Variants in CDK5RAP2 observed in about 807,000 individuals in gnomAD.
CDK5RAP2 encodes CDK5 regulatory subunit-associated protein 2.
A neutral mutation model predicts 232.9 loss-of-function variants in CDK5RAP2; 147 were observed. The observed-to-expected ratio is 0.63, with a 90% CI of 0.55 to 0.72. CDK5RAP2 has a LOEUF of 0.72. Ranked by LOEUF, CDK5RAP2 falls within the 30% of genes least tolerant of loss-of-function variation. The pLI is 0.00. For missense variants in CDK5RAP2, 2,195 were observed against 2,231.5 expected (o/e 0.98, Z 0.33); for synonymous variants, 833 against 833.7 (o/e 1.00, Z 0.01).
intron 18 of CDK5RAP2, among the ~76,000 whole-genome samples, chr9:120,464,991 T>C (rs934855585): frequency 9.2e-5 from 14 of 152,178 alleles, no homozygotes; most frequent in African/African-American, 3.4e-4. Context: ...TCCTTTAGAG[T>C]CACATAAGGT....
intron 25 of CDK5RAP2, among the ~76,000 whole-genome samples, chr9:120,426,688 C>T (rs1257796006): frequency 6.6e-6 from 1 of 152,166 alleles, no homozygotes; most frequent in African/African-American, 2.4e-5. Flanking sequence ...AGGGGATTCT[C>T]TATAGAATGT....
intron 25 of CDK5RAP2, among the ~76,000 whole-genome samples, chr9:120,431,121 G>A (rs2035260631): frequency 6.6e-6 from 1 of 152,140 alleles, no homozygotes; most frequent in Non-Finnish European, 1.5e-5. Flanking sequence ...GTGGGGTGAG[G>A]GGAAGGGGGA....
At chr9:120,538,247 G>T (rs2041479711) in intron 6 of CDK5RAP2, among the ~76,000 whole-genome samples, 2 of 152,194 alleles carry the variant, frequency 1.3e-5, no homozygotes, top group African/African-American at 4.8e-5. Flanking sequence ...GCAAAATACA[G>T]TGCCTGCTCT....
At chr9:120,533,589 T>TAA (rs2041251041) in intron 7 of CDK5RAP2, among the ~76,000 whole-genome samples, 1 of 151,716 alleles carries the variant, frequency 6.6e-6, no homozygotes, top group Non-Finnish European at 1.5e-5. Context: ...AGGTCAGGTG[T>TAA]TCAAGACCAG....
At chr9:120,555,381 G>GC (rs2042190587) in intron 3 of CDK5RAP2, among the ~76,000 whole-genome samples, 1 of 151,360 alleles carries the variant, frequency 6.6e-6, no homozygotes, top group Admixed American at 6.6e-5. Flanking sequence ...CAAGTGATCC[G>GC]CCCGCCTTGG....
At chr9:120,447,692 C>T (rs1294262014) in intron 22 of CDK5RAP2, among the ~76,000 whole-genome samples, 2 of 152,198 alleles carry the variant, frequency 1.3e-5, no homozygotes, top group Admixed American at 6.5e-5. Flanking sequence ...ATCCAGACTC[C>T]AGAATAAAAT....
intron 3 of CDK5RAP2, among the ~76,000 whole-genome samples, chr9:120,558,871 C>G (rs1188536874): frequency 6.6e-6 from 1 of 152,208 alleles, no homozygotes; most frequent in African/African-American, 2.4e-5. Flanking sequence ...TATGTTTCAT[C>G]TCTTTGCATG....
chr9:120,457,999 A>G (rs2036876609), intron 20 of CDK5RAP2, among the ~76,000 whole-genome samples: 1 of 152,226 alleles, frequency 6.6e-6, no homozygotes, highest in Admixed American at 6.5e-5. Context: ...GTTTTAAGGA[A>G]AACAACCTGT....
chr9:120,500,937 G>T (rs2131714000), intron 12 of CDK5RAP2, among the ~76,000 whole-genome samples: 3 of 152,290 alleles, frequency 2.0e-5, no homozygotes, highest in Middle Eastern at 6.8e-3. Flanking sequence ...GAGTAAGGGG[G>T]GGCCTGGGAA....
chr9:120,562,234 G>A lies in CDK5RAP2; in HGVS notation c.195+6087C>T, dbSNP rs140624313. On this transcript the variant is annotated intron_variant, in intron 3 of 37. Transcript: ENST00000349780. Reference sequence around the variant, plus strand: ...GCTCAAGAGTAATTTTATATTTATGGCTATCAAAATCTCTTTCCAAATGGC... The same window carrying A: ...GCTCAAGAGTAATTTTATATTTATGACTATCAAAATCTCTTTCCAAATGGC... Among the ~76,000 whole-genome samples, 654 of 152,110 alleles carry A rather than the reference G, an allele frequency of 4.3e-3. 8 individuals carry two copies. The highest frequency in any genetic ancestry group is 0.014 in the African/African-American group (598 of 41,494).
chr9:120,462,838 A>G (rs2037168395), intron 18 of CDK5RAP2, among the ~76,000 whole-genome samples: 1 of 152,206 alleles, frequency 6.6e-6, no homozygotes, highest in African/African-American at 2.4e-5. Flanking sequence ...GCAGGCTTAC[A>G]ATTTCTATAG....
At chr9:120,394,940 C>T (rs1042955970) in intron 35 of CDK5RAP2, among the ~76,000 whole-genome samples, 1 of 152,216 alleles carries the variant, frequency 6.6e-6, no homozygotes, top group Non-Finnish European at 1.5e-5. Context: ...CAATTCTACA[C>T]GCTGGCATTT....
intron 12 of CDK5RAP2, among the ~76,000 whole-genome samples, chr9:120,512,875 C>T (rs966518522): frequency 1.3e-5 from 2 of 151,200 alleles, no homozygotes; most frequent in Non-Finnish European, 3.0e-5. Flanking sequence ...CTGTAAAGTA[C>T]AATCTACACC....
chr9:120,433,973 A>T (rs774148529), intron 25 of CDK5RAP2, among the ~76,000 whole-genome samples: 4 of 152,210 alleles, frequency 2.6e-5, no homozygotes, highest in Non-Finnish European at 4.4e-5. Context: ...AACACAACAG[A>T]CAAGATCCAT....
At chr9:120,393,448 A>T (rs556790505) in intron 36 of CDK5RAP2, among the ~76,000 whole-genome samples, 3 of 152,348 alleles carry the variant, frequency 2.0e-5, no homozygotes, top group African/African-American at 7.2e-5. Context: ...ACTTGGCAAT[A>T]ATCTCTGTCC....
intron 3 of CDK5RAP2, among the ~76,000 whole-genome samples, chr9:120,567,140 T>C (rs1007538703): frequency 1.3e-5 from 2 of 152,220 alleles, no homozygotes; most frequent in Non-Finnish European, 2.9e-5. Flanking sequence ...CATATTTTAA[T>C]TATACACGAT....
intron 22 of CDK5RAP2, among the ~76,000 whole-genome samples, chr9:120,446,821 C>T (rs114043380): frequency 0.01 from 1,584 of 152,298 alleles, 26 homozygotes; most frequent in African/African-American, 0.036. Context: ...CCCTGTCTCC[C>T]TTCAAATGCC....
intron 5 of CDK5RAP2, among the ~76,000 whole-genome samples, chr9:120,542,571 C>A (rs557617929): frequency 6.6e-6 from 1 of 151,528 alleles, no homozygotes; most frequent in East Asian, 1.9e-4. Context: ...TACACAGATA[C>A]TGTGTATATA....
At position 120,458,489 on chromosome 9, in the gene CDK5RAP2, G is replaced by C; in HGVS notation, c.2336C>G (p.Pro779Arg). Residue 779 changes from proline to arginine, a missense_variant, in exon 20 of 38, where the codon CCT becomes CGT. By Grantham distance (103) the Pro-to-Arg change is moderately radical (BLOSUM62 -2). Coordinates refer to ENST00000349780, the MANE Select transcript of CDK5RAP2 (RefSeq NM_018249.6). The part of the protein sequence containing the change: ...EEGAFINLLA[P>R]LFNEKATLLL... ...TAATGTGGCCTTCTCATTGAACAAA[G>C]GGGCAAGCAGGTTTATGAATGCACC... is the stretch of plus-strand genomic sequence containing the variant. The C allele has an allele frequency of 6.2e-7, 1 of 1,614,152 alleles. No individual in the cohort carries two copies. Among genetic ancestry groups the C allele is most frequent in the African/African-American group, 1.3e-5 (1 of 75,038 alleles).
Sources: allele counts gnomAD v4.1 joint callset (sites outside exome capture counted in the v4.1 genomes callset), GRCh38; gene constraint gnomAD v4.1.1; transcripts MANE v1.5; gene names NCBI Gene and HGNC (gene_info 2026-07-23, HGNC 2026-07-21).